The following ITGA6 variants were observed in gnomAD, a reference collection of about 807,000 sequenced individuals.
ITGA6 encodes integrin subunit alpha 6.
In ITGA6, 63 loss-of-function variants were observed where a neutral mutation model predicts 133.6. The ratio of observed to expected loss-of-function variants is 0.47; its 90% CI spans 0.38 to 0.58. The LOEUF (loss-of-function observed/expected upper bound fraction) is 0.58, where lower values mean the gene tolerates loss of function less well. Ranked by LOEUF, ITGA6 falls within the 20% of genes least tolerant of loss-of-function variation. The pLI, the probability that ITGA6 is intolerant of heterozygous loss-of-function variation, is 0.00. For missense variants in ITGA6, 1,068 were observed against 1,309.4 expected, an observed-to-expected ratio of 0.82 and a Z score of 2.85; for synonymous variants, 434 against 482.0, an observed-to-expected ratio of 0.90 and a Z score of 1.30.
At position 172,491,029 on chromosome 2, in the gene ITGA6, TCA is replaced by T; in HGVS notation, c.2688_2689del (p.His896GlnfsTer10). 1 of 1,536,066 alleles carries T rather than the reference TCA, an allele frequency of 6.5e-7. No homozygotes were observed. Among genetic ancestry groups the T allele is most frequent in the Non-Finnish European group, 9.0e-7 (1 of 1,110,182 alleles). ...TTGGATATAATTTTTTTCAGGAGTC[TCA>T]CAACTCAAGAAAGAAACGGGAAATT... is the stretch of plus-strand genomic sequence containing the variant. Reference protein sequence around the residue: ...EINSLNLTESHNSRKKREITE... With the variant: ...EINSLNLTESXNSRKKREITE... On this transcript the variant is annotated frameshift_variant, in exon 21 of 26. Transcript: ENST00000684293. LOFTEE classifies it high-confidence loss of function. This position sits in a 1 kb window ranked among gnomAD's most constrained non-coding sequence, Gnocchi z 4.4.
rs771847409 is a variant in ITGA6 at position 172,469,370 on chromosome 2, T to C, written c.633T>C (p.Tyr211=). Residue 211 remains tyrosine, a synonymous_variant, in exon 4 of 26, where the codon TAT becomes TAC. Coordinates refer to ENST00000684293, the MANE Select transcript of ITGA6 (RefSeq NM_000210.4). The part of the protein sequence containing the change: ...HYIVFGAPGT[Y]NWKGIVRVEQ... ...TTGTATTTGGAGCCCCGGGTACTTATAACTGGAAAGGTATGACCTTTGTAT... is the reference window on the plus strand; with the variant it reads ...TTGTATTTGGAGCCCCGGGTACTTACAACTGGAAAGGTATGACCTTTGTAT... 1 of 1,613,692 alleles carries C rather than the reference T, an allele frequency of 6.2e-7. No individual in the cohort carries two copies. Among genetic ancestry groups the C allele is most frequent in the African/African-American group, 1.3e-5 (1 of 74,908 alleles).
chr2:172,500,081 G>T (rs1244847318), intron 24 of ITGA6, among the ~76,000 whole-genome samples: 2 of 152,056 alleles, frequency 1.3e-5, no homozygotes, highest in Non-Finnish European at 2.9e-5. Flanking sequence ...TAGGATTTTA[G>T]GGTCAGAACT....
intron 9 of ITGA6, among the ~76,000 whole-genome samples, chr2:172,478,362 A>G (rs968158319): frequency 6.6e-6 from 1 of 152,188 alleles, no homozygotes; most frequent in Non-Finnish European, 1.5e-5. Flanking sequence ...TCTTGTAGAA[A>G]CACTGTTCTC....
chr2:172,485,365 G>T, intron 13 of ITGA6, 101 bp downstream of exon 13: 3 of 1,061,980 alleles, frequency 2.8e-6, no homozygotes, highest in South Asian at 1.3e-5. Flanking sequence ...TGCTTTAAAG[G>T]CCATTCTTTT....
At chr2:172,441,152 G>A (rs1175319390) in intron 1 of ITGA6, among the ~76,000 whole-genome samples, 4 of 152,124 alleles carry the variant, frequency 2.6e-5, no homozygotes, top group African/African-American at 7.2e-5. Context: ...CTCTCATCCT[G>A]TTGAGTTTAA....
intron 11 of ITGA6, among the ~76,000 whole-genome samples, chr2:172,483,683 A>G (rs1381330671): frequency 1.3e-5 from 2 of 152,324 alleles, no homozygotes; most frequent in East Asian, 3.9e-4. Context: ...AGTGTAGGTT[A>G]TCAAGAACAG....
At chr2:172,445,627 C>G (rs1344579209) in intron 1 of ITGA6, among the ~76,000 whole-genome samples, 7 of 139,708 alleles carry the variant, frequency 5.0e-5, no homozygotes, top group Non-Finnish European at 1.1e-4. Flanking sequence ...CCAGTCTGGG[C>G]GACAGAGTGA....
At chr2:172,472,861 T>G (rs1686004997) in intron 5 of ITGA6, 3 of 1,609,456 alleles carry the variant, frequency 1.9e-6, no homozygotes, top group Admixed American at 1.7e-5. Flanking sequence ...CCTGACACAT[T>G]CCCTGATGTG....
intron 1 of ITGA6, chr2:172,428,175 AAGG>A (rs1559107607): frequency 3.4e-6 from 1 of 295,496 alleles, no homozygotes; most frequent in East Asian, 6.9e-5. Context: ...TCAGCTCGGG[AAGG>A]AGGAGAACCC....
chr2:172,442,077 G>C (rs1403816844), intron 1 of ITGA6, among the ~76,000 whole-genome samples: 1 of 152,164 alleles, frequency 6.6e-6, no homozygotes, highest in Non-Finnish European at 1.5e-5. Context: ...ACTAGGCTCG[G>C]ATTTGCCTGT....
intron 2 of ITGA6, 139 bp downstream of exon 2, chr2:172,465,802 T>TTCAGG: frequency 1.7e-6 from 2 of 1,208,384 alleles, no homozygotes; most frequent in Non-Finnish European, 2.4e-6. Flanking sequence ...GTTTTTTATT[T>TTCAGG]GCCCTGAAAA....
Position 172,475,135 on chromosome 2 carries a change from T to A in ITGA6, c.1180+13T>A. On this transcript the variant is annotated intron_variant, in intron 7 of 25. Transcript: ENST00000684293. ...GATGGCTACCCAGGTAGATAATAGA[T>A]TATGAAATGGCTATGATTTATAGAT... 1 of 1,398,528 alleles carries A rather than the reference T, an allele frequency of 7.2e-7. No individual in the cohort carries two copies. The highest frequency in any genetic ancestry group is 1.0e-6 in the Non-Finnish European group (1 of 983,466). The allele number at this position is 1,398,528 out of a possible 1,614,324, so 86.6% of individuals were successfully genotyped here.
intron 1 of ITGA6, 38 bp downstream of exon 1, chr2:172,428,008 C>A (rs982706769): frequency 8.9e-6 from 14 of 1,575,752 alleles, no homozygotes; most frequent in Non-Finnish European, 1.2e-5. Flanking sequence ...ACTGGGGCGC[C>A]GGCCTGCGCG....
At chr2:172,484,044 C>T (rs959517753) in intron 11 of ITGA6, among the ~76,000 whole-genome samples, 2 of 152,186 alleles carry the variant, frequency 1.3e-5, no homozygotes, top group Non-Finnish European at 2.9e-5. Flanking sequence ...CTCCTGATTT[C>T]GGGTGATCCA....
rs16860496 is a variant in ITGA6, at chr2:172,472,755, G to A, written c.776-1300G>A. ...AATTACTTTTTCTTCAATTTCTTCC[G>A]TCCCGTGCATGCGTACAGGCCTGCT... On this transcript the variant is annotated intron_variant, in intron 5 of 25. Transcript: ENST00000684293. The A allele has an allele frequency of 9.7e-4, 1,438 of 1,475,950 alleles. 12 individuals carry two copies. In the African/African-American group the frequency reaches 0.011, roughly 11 times the overall value. The allele number at this position is 1,475,950 out of a possible 1,614,324, so 91.4% of individuals were successfully genotyped here.
intron 1 of ITGA6, among the ~76,000 whole-genome samples, chr2:172,431,761 A>C (rs1293717761): frequency 1.3e-5 from 2 of 152,252 alleles, no homozygotes; most frequent in Non-Finnish European, 2.9e-5. Flanking sequence ...AGGAAGTCTT[A>C]GGACTCTGCA....
chr2:172,481,478 G>A (rs1370763002), intron 11 of ITGA6, among the ~76,000 whole-genome samples: 1 of 152,184 alleles, frequency 6.6e-6, no homozygotes, highest in African/African-American at 2.4e-5. Flanking sequence ...ATACTGACCT[G>A]TGATAAAGTT....
At chr2:172,432,711 C>G (rs114726863) in intron 1 of ITGA6, among the ~76,000 whole-genome samples, 2,723 of 152,322 alleles carry the variant, frequency 0.018, 97 homozygotes, top group African/African-American at 0.061. Context: ...TTTCACCTGG[C>G]TTTTGCCCTA....
chr2:172,479,730 G>A lies in ITGA6; in HGVS notation c.1478G>A (p.Ser493Asn). The A allele has an allele frequency of 6.2e-7, 1 of 1,613,470 alleles. No homozygotes were observed. Among genetic ancestry groups the A allele is most frequent in the Non-Finnish European group, 8.5e-7 (1 of 1,179,636 alleles). The change falls in exon 10 of 26, where the codon AGT becomes AAT. Residue 493 changes from serine (S) to asparagine (N), a missense_variant. By Grantham distance (46) the Ser-to-Asn change is conservative (BLOSUM62 1). Transcript: ENST00000684293. ...LRQKTACGAP[S>N]GICLQVKSCF... ...CAGAAAACAGCGTGTGGGGCGCCTA[G>A]TGGGATATGGTGAGCATCCCTCTGT...
Sources: allele counts gnomAD v4.1 joint callset (sites outside exome capture counted in the v4.1 genomes callset), GRCh38; gene constraint gnomAD v4.1.1; non-coding constraint Gnocchi (gnomAD v3.1); transcripts MANE v1.5; gene names NCBI Gene and HGNC (gene_info 2026-07-23, HGNC 2026-07-21).